The following TNIP3 variants were observed in gnomAD, a reference collection of about 807,000 sequenced individuals.
TNIP3 encodes TNFAIP3 interacting protein 3, also known as TNFAIP3-interacting protein 3.
A neutral mutation model predicts 54.1 loss-of-function variants in TNIP3; 34 were observed. That is an observed-to-expected ratio of 0.63 (90% confidence interval 0.48 to 0.84). TNIP3 has a LOEUF of 0.84. TNIP3 is among the 40% of genes least tolerant of loss of function. The pLI is 0.00. For synonymous variants in TNIP3, 134 were observed against 136.8 expected, an observed-to-expected ratio of 0.98 and a Z score of 0.14; for missense variants, 366 against 387.6, an observed-to-expected ratio of 0.94 and a Z score of 0.47.
chr4:121,167,638 G>A (rs1287842418), upstream of TNIP3, among the ~76,000 whole-genome samples: 1 of 152,176 alleles, frequency 6.6e-6, no homozygotes, highest in Non-Finnish European at 1.5e-5. Flanking sequence ...AGGCCATATG[G>A]AGTTACTAAA....
rs907678584 is a variant in TNIP3 at position 121,164,280 on chromosome 4, A to G, written c.-155T>C. The G allele has an allele frequency of 9.0e-6, 13 of 1,443,478 alleles. No homozygotes were observed. The Admixed American group carries it at 2.1e-4, about 23-fold the overall frequency. The allele number at this position is 1,443,478 out of a possible 1,614,324, so 89.4% of individuals were successfully genotyped here. On this transcript the variant is annotated 5_prime_UTR_variant, in exon 1 of 11. Transcript: ENST00000057513. ...AAAATAACAGCAATAGGTTTTCATT[A>G]AAAATGAACAGAAGTGACTGTGGAT...
intron 2 of TNIP3, among the ~76,000 whole-genome samples, chr4:121,211,409 C>CA (rs1188340287): frequency 6.6e-6 from 1 of 152,174 alleles, no homozygotes; most frequent in Admixed American, 6.5e-5. Context: ...CCAAAGCCTA[C>CA]AAGGGATGAA....
At chr4:121,227,406 T>C in exon 1 of TNIP3, 1 of 1,535,036 alleles carries the variant, frequency 6.5e-7, no homozygotes, top group Non-Finnish European at 8.7e-7. Flanking sequence ...CTGAAAGTCC[T>C]TCTCAGATCT....
intron 4 of TNIP3, 93 bp downstream of exon 4, chr4:121,157,001 T>G: frequency 1.3e-6 from 2 of 1,550,318 alleles, no homozygotes; most frequent in South Asian, 2.3e-5. Context: ...AGTGAGTTGA[T>G]TTTAATAAAA....
At chr4:121,145,870 G>A (rs1379441353) in intron 7 of TNIP3, among the ~76,000 whole-genome samples, 1 of 151,618 alleles carries the variant, frequency 6.6e-6, no homozygotes, top group African/African-American at 2.4e-5. Flanking sequence ...TTAGCTACTT[G>A]GGAGGCTGAG....
Position 121,208,316 on chromosome 4 carries a change from T to C in TNIP3, c.68+8099A>G, listed in dbSNP as rs566261987. ...CAGTTGCTCCTAGGGATAACATCACTATTGTAAAACCCAGGAAGAGATATT... is the reference window on the plus strand; with the variant it reads ...CAGTTGCTCCTAGGGATAACATCACCATTGTAAAACCCAGGAAGAGATATT... On this transcript the variant is annotated intron_variant, in intron 2 of 12. Transcript: ENST00000507879. Among the ~76,000 whole-genome samples, 8 of 152,274 alleles carry C rather than the reference T, an allele frequency of 5.3e-5. No individual in the cohort carries two copies. The South Asian group carries it at 1.2e-3, about 24-fold the overall frequency.
Position 121,132,393 on chromosome 4 carries a change from T to C in TNIP3, c.*238A>G. 1 of 449,338 alleles carries C rather than the reference T, an allele frequency of 2.2e-6. No individual in the cohort carries two copies. Among genetic ancestry groups the C allele is most frequent in the Non-Finnish European group, 4.0e-6 (1 of 253,130 alleles). The allele number at this position is 449,338 out of a possible 1,614,324, so 27.8% of individuals were successfully genotyped here. ...GCATCATCCATCTGCCAAGTCTCATTTCAAGGAAACTGGAAGTTGTATTTG... is the reference window on the plus strand; with the variant it reads ...GCATCATCCATCTGCCAAGTCTCATCTCAAGGAAACTGGAAGTTGTATTTG... On this transcript the variant is annotated 3_prime_UTR_variant, in exon 11 of 11. Coordinates refer to ENST00000057513, the MANE Select transcript of TNIP3 (RefSeq NM_024873.6).
At chr4:121,209,517 T>A (rs1560694483) in intron 2 of TNIP3, among the ~76,000 whole-genome samples, 1 of 152,174 alleles carries the variant, frequency 6.6e-6, no homozygotes, top group Non-Finnish European at 1.5e-5. Context: ...AGAAAAAAGA[T>A]GTCACACTGG....
At chr4:121,158,979 C>T (rs541000526) in intron 2 of TNIP3, among the ~76,000 whole-genome samples, 55 of 152,302 alleles carry the variant, frequency 3.6e-4, no homozygotes, top group African/African-American at 9.4e-4. Context: ...CGGTGGCTCA[C>T]GCCTGTAATC....
chr4:121,201,005 G>T (rs1390743610), intron 2 of TNIP3, among the ~76,000 whole-genome samples: 2 of 152,204 alleles, frequency 1.3e-5, no homozygotes, highest in African/African-American at 4.8e-5. Context: ...ATTAGCAAAA[G>T]TGGAACTGTG....
At chr4:121,203,414 G>T (rs1384996996) in intron 2 of TNIP3, among the ~76,000 whole-genome samples, 1 of 152,154 alleles carries the variant, frequency 6.6e-6, no homozygotes, top group Non-Finnish European at 1.5e-5. Flanking sequence ...TGGGAGCTAA[G>T]CTATGAGAAC....
chr4:121,202,258 C>T (rs1378537201), intron 2 of TNIP3, among the ~76,000 whole-genome samples: 1 of 152,032 alleles, frequency 6.6e-6, no homozygotes, highest in Non-Finnish European at 1.5e-5. Context: ...GCAATAAGGC[C>T]AAATATTTAG....
At chr4:121,208,492 C>G (rs1726307298) in intron 2 of TNIP3, among the ~76,000 whole-genome samples, 1 of 152,210 alleles carries the variant, frequency 6.6e-6, no homozygotes. Flanking sequence ...CCAATCAGCA[C>G]TACCCATGTC....
intron 3 of TNIP3, among the ~76,000 whole-genome samples, chr4:121,177,416 G>A (rs1168707205): frequency 6.6e-6 from 1 of 152,164 alleles, no homozygotes; most frequent in Non-Finnish European, 1.5e-5. Context: ...GTGGTTTTCT[G>A]TTTCCTCAAA....
At chr4:121,169,514 T>C (rs888675797) in intron 3 of TNIP3, among the ~76,000 whole-genome samples, 2 of 152,208 alleles carry the variant, frequency 1.3e-5, no homozygotes, top group Non-Finnish European at 2.9e-5. Flanking sequence ...GTAAACTCCA[T>C]GATAGCAACT....
chr4:121,227,410 C>T, exon 1 of TNIP3: 2 of 1,534,690 alleles, frequency 1.3e-6, no homozygotes, highest in South Asian at 1.2e-5. Flanking sequence ...AAGTCCTTCT[C>T]AGATCTAGGT....
chr4:121,209,166 C>A (rs1726343459), intron 2 of TNIP3, among the ~76,000 whole-genome samples: 1 of 152,244 alleles, frequency 6.6e-6, no homozygotes, highest in Admixed American at 6.5e-5. Flanking sequence ...GTGACAGCAT[C>A]CCCATGCCTC....
At chr4:121,168,525 T>TC (rs112411036), upstream of TNIP3, among the ~76,000 whole-genome samples, 3,687 of 150,520 alleles carry the variant, frequency 0.024, 169 homozygotes, top group African/African-American at 0.084. Flanking sequence ...TCTTTGCTTT[T>TC]TTTTTTTTTT....
At chr4:121,211,196 T>C (rs1205242519) in intron 2 of TNIP3, among the ~76,000 whole-genome samples, 3 of 152,226 alleles carry the variant, frequency 2.0e-5, no homozygotes, top group Non-Finnish European at 4.4e-5. Context: ...ATGTGTGATT[T>C]AAATAATTAT....
Sources: gnomAD v4.1 joint callset for allele counts (sites outside exome capture counted in the v4.1 genomes callset) on GRCh38, gnomAD v4.1.1 for gene constraint, MANE v1.5 for transcripts, NCBI Gene and HGNC (gene_info 2026-07-23, HGNC 2026-07-21) for gene names.